EIF4A2: variants seen among roughly 807,000 people sequenced by gnomAD.
EIF4A2 encodes eukaryotic translation initiation factor 4A2.
EIF4A2 carries 9 observed loss-of-function variants against 50.6 expected under a neutral mutation model. The observed-to-expected ratio is 0.18, with a 90% CI of 0.11 to 0.31. EIF4A2 has a LOEUF of 0.31. Ranked by LOEUF, EIF4A2 falls within the 10% of genes least tolerant of loss-of-function variation. The pLI is 1.00. For synonymous variants in EIF4A2, 215 were observed against 164.4 expected (o/e 1.31, Z -2.35); for missense variants, 182 against 501.8 (o/e 0.36, Z 6.09).
chr3:186,785,345 C>A, intron 4 of EIF4A2: 1 of 518,854 alleles, frequency 1.9e-6, no homozygotes, highest in Non-Finnish European at 3.3e-6. Flanking sequence ...AGATCTGTCC[C>A]CATTTTTTAA....
In EIF4A2 at chr3:186,785,098, A is replaced by G. The variant is rs889379838; in HGVS notation, c.345A>G (p.Gln115=). The stretch of plus-strand genomic sequence containing the variant: ...TGGCCCCCACCAGAGAACTGGCTCA[A>G]CAGGTATTGATAGTGTAGTTCAAAA... ...LVLAPTRELA[Q]QIQKVILALG... is the part of the protein sequence containing the mutation. Residue 115 remains glutamine (Q), a synonymous_variant, in exon 4 of 11, where the codon CAA becomes CAG. Transcript: ENST00000323963. 1 of 1,614,196 alleles carries G rather than the reference A, an allele frequency of 6.2e-7. No homozygotes were observed.
At chr3:186,787,429 C>T in intron 8 of EIF4A2, 66 bp from the exon 9 acceptor site, 1 of 1,609,292 alleles carries the variant, frequency 6.2e-7, no homozygotes, top group Non-Finnish European at 8.5e-7. Context: ...TGGTCTCATA[C>T]ATGTTGATTA....
intron 10 of EIF4A2, chr3:186,788,125 A>G: frequency 3.0e-6 from 2 of 657,274 alleles, no homozygotes; most frequent in Non-Finnish European, 4.9e-6. Context: ...CTTATGCTTG[A>G]GCTTTTAGTG....
intron 10 of EIF4A2, chr3:186,788,086 G>C: frequency 4.2e-6 from 3 of 715,840 alleles, no homozygotes; most frequent in Non-Finnish European, 6.7e-6. Flanking sequence ...TGTGGACATA[G>C]GGTTTTTTTC....
In EIF4A2 at chr3:186,789,414, G is replaced by C; in HGVS notation, c.*145G>C. 8.3e-7 allele frequency: 1 copy of C among 1,203,416 alleles called. No individual in the cohort carries two copies. Among genetic ancestry groups the C allele is most frequent in the Admixed American group, 3.1e-5 (1 of 32,768 alleles). The allele number at this position is 1,203,416 out of a possible 1,614,324, so 74.5% of individuals were successfully genotyped here. A position where few individuals can be genotyped will look rare whatever the true frequency, so the allele number is the denominator to read the frequency against. ...GAAATACAGATTTTGATAGCAAAGC[G>C]ACGTTAGTCGTGAGCTCTTGTGAGG... On this transcript the variant is annotated 3_prime_UTR_variant, in exon 11 of 11. Transcript: ENST00000323963.
rs369813206 is a variant in EIF4A2 at position 186,785,108 on chromosome 3, A to G, written c.348+7A>G. 9 of 1,613,610 alleles carry G rather than the reference A, an allele frequency of 5.6e-6. No individual in the cohort carries two copies. Among genetic ancestry groups the G allele is most frequent in the Middle Eastern group, 1.7e-4 (1 of 6,056 alleles). Reference sequence around the variant, plus strand: ...CAGAGAACTGGCTCAACAGGTATTGATAGTGTAGTTCAAAAAAACTGCTTG... The same window carrying G: ...CAGAGAACTGGCTCAACAGGTATTGGTAGTGTAGTTCAAAAAAACTGCTTG... On this transcript the variant is annotated splice_region_variant and intron_variant, in intron 4 of 10. Transcript: ENST00000323963.
chr3:186,785,134 C>T (rs1721613683), intron 4 of EIF4A2, 33 bp downstream of exon 4: 2 of 1,611,232 alleles, frequency 1.2e-6, no homozygotes, highest in African/African-American at 2.7e-5. Flanking sequence ...AAACTGCTTG[C>T]GTGTTGCATA....
rs1721580518 is a variant in EIF4A2 at position 186,784,548 on chromosome 3, T to G, written c.76-16T>G. On this transcript the variant is annotated splice_polypyrimidine_tract_variant and intron_variant, in intron 2 of 10. Transcript: ENST00000323963. ...TTCATCTCATTTATGCGTGCATTAT[T>G]TTTTCTAACTTACAGAGCAACTGGA... 1 of 1,614,080 alleles carries G rather than the reference T, an allele frequency of 6.2e-7. No individual in the cohort carries two copies. Among genetic ancestry groups the G allele is most frequent in the Non-Finnish European group, 8.5e-7 (1 of 1,180,020 alleles).
intron 1 of EIF4A2, 27 bp downstream of exon 1, chr3:186,783,666 C>A (rs1245445736): frequency 2.5e-6 from 4 of 1,614,032 alleles, no homozygotes; most frequent in East Asian, 2.2e-5. Context: ...CGGTCGCGGT[C>A]TGTAGTGAAG....
At chr3:186,783,752 G>A (rs905667290) in intron 1 of EIF4A2, 113 bp downstream of exon 1, 31 of 1,535,826 alleles carry the variant, frequency 2.0e-5, no homozygotes, top group East Asian at 2.2e-5. Context: ...TTTTCTTAGG[G>A]TACAGCACTC....
chr3:186,788,352 G>A (rs988954923), intron 10 of EIF4A2: 20 of 1,289,810 alleles, frequency 1.6e-5, no homozygotes, highest in Non-Finnish European at 2.0e-5. Context: ...ACTCAGAAAC[G>A]GCGTTGACGT....
rs1394243855 is a variant in EIF4A2, at chr3:186,784,710, G to A, written c.208+14G>A. The A allele has an allele frequency of 2.4e-5, 38 of 1,611,992 alleles. No individual in the cohort carries two copies. The highest frequency in any genetic ancestry group is 3.2e-5 in the Non-Finnish European group (38 of 1,179,070). ...CCTGTATTAAAGGTAAAAGAAACTG[G>A]CATTTTTAGGAAATTGTTCTACATA... On this transcript the variant is annotated intron_variant, in intron 3 of 10. Transcript: ENST00000323963.
intron 10 of EIF4A2, 77 bp downstream of exon 10, chr3:186,787,959 C>T: frequency 6.9e-7 from 1 of 1,440,756 alleles, no homozygotes. Context: ...AAGGTAACAT[C>T]AAATCAAGGA....
chr3:186,787,599 G>A lies in EIF4A2; in HGVS notation c.999+15G>A, dbSNP rs752533957. 1.9e-6 allele frequency: 3 copies of A among 1,613,620 alleles called. No homozygotes were observed. Among genetic ancestry groups the A allele is most frequent in the Non-Finnish European group, 2.5e-6 (3 of 1,179,786 alleles). The stretch of plus-strand genomic sequence containing the variant: ...CTGACTTGTTGGTAAGTCTCTTAAT[G>A]CTTTTTAAAAATCTACCAAAAGTTA... On this transcript the variant is annotated intron_variant, in intron 9 of 10. Transcript: ENST00000323963.
intron 7 of EIF4A2, chr3:186,786,913 GAGACTGGCTA>G: frequency 1.1e-6 from 1 of 891,346 alleles, no homozygotes; most frequent in Non-Finnish European, 1.8e-6. Context: ...ACTGGGTTAT[GAGACTGGCTA>G]AGACTGGCCA....
At chr3:186,785,787 G>GCTGTTGGCAGACCAGATTA (rs1721668851) in intron 4 of EIF4A2, 96 bp from the exon 5 acceptor site, 1 of 1,475,102 alleles carries the variant, frequency 6.8e-7, no homozygotes, top group East Asian at 2.3e-5. Flanking sequence ...ATGCATAAAA[G>GCTGTTGGCAGACCAGATTA]CTGTTGGCAG....
intron 1 of EIF4A2, 21 bp downstream of exon 1, chr3:186,783,660 C>G (rs1222276264): frequency 6.2e-7 from 1 of 1,613,932 alleles, no homozygotes; most frequent in East Asian, 2.2e-5. Flanking sequence ...TGTTGGCGGT[C>G]GCGGTCTGTA....
rs773416960 is a variant in EIF4A2 at position 186,784,391 on chromosome 3, G to A, written c.30-41G>A. Reference sequence around the variant, plus strand: ...TATGCGCTTAAGGTGCAGTTGAGGTGGCCTGGAAGGGGTGTCTGACTGCAG... The same window carrying A: ...TATGCGCTTAAGGTGCAGTTGAGGTAGCCTGGAAGGGGTGTCTGACTGCAG... On this transcript the variant is annotated intron_variant, in intron 1 of 10. Transcript: ENST00000323963. The A allele has an allele frequency of 2.5e-6, 4 of 1,614,006 alleles. No individual in the cohort carries two copies. The East Asian group carries it at 8.9e-5, about 36-fold the overall frequency.
rs752950430 is a variant in EIF4A2, at chr3:186,786,058, ATTGTC to A, written c.517+10_517+14del. 3.1e-6 allele frequency: 5 copies of A among 1,601,684 alleles called. No homozygotes were observed. The African/African-American group carries it at 5.3e-5, about 17-fold the overall frequency. ...TTAAACAGAAGATACCTTTGTAAGT[ATTGTC>A]TTTAAGAGAGTATTTTTTTTAAAAC... On this transcript the variant is annotated splice_region_variant and intron_variant, in intron 5 of 10. Coordinates refer to ENST00000323963, the MANE Select transcript of EIF4A2 (RefSeq NM_001967.4).
Sources: gnomAD v4.1 joint callset for allele counts on GRCh38, gnomAD v4.1.1 for gene constraint, MANE v1.5 for transcripts, NCBI Gene and HGNC (gene_info 2026-07-23, HGNC 2026-07-21) for gene names.